The following UNC79 variants were observed in gnomAD, a reference collection of about 807,000 sequenced individuals.
The protein encoded by UNC79 is unc-79 subunit of NALCN channel complex, also known as protein unc-79 homolog.
UNC79 carries 37 observed loss-of-function variants against 283.1 expected under a neutral mutation model. The ratio of observed to expected loss-of-function variants is 0.13; its 90% CI spans 0.10 to 0.17. The LOEUF (loss-of-function observed/expected upper bound fraction) is 0.17, where lower values mean the gene tolerates loss of function less well. UNC79 is among the 10% of genes least tolerant of loss of function. The probability of loss-of-function intolerance (pLI) is 1.00; values close to 1 mark genes in which losing one functional copy is unlikely to be tolerated. For synonymous variants in UNC79, 1,107 were observed against 1,200.2 expected (o/e 0.92, Z 1.61); for missense variants, 2,272 against 3,211.1 (o/e 0.71, Z 7.07).
intron 1 of UNC79, among the ~76,000 whole-genome samples, chr14:93,435,330 T>G (rs1566933615): frequency 6.6e-6 from 1 of 152,262 alleles, no homozygotes. Flanking sequence ...GCTGCATTCC[T>G]GATTTAAACT....
chr14:93,611,729 G>T (rs150204050), intron 26 of UNC79, among the ~76,000 whole-genome samples: 12 of 152,244 alleles, frequency 7.9e-5, no homozygotes, highest in African/African-American at 2.9e-4. Context: ...ACCAAAGCTT[G>T]TCATCATTTA....
At chr14:93,381,721 T>G (rs371679887) in intron 1 of UNC79, among the ~76,000 whole-genome samples, 2 of 152,250 alleles carry the variant, frequency 1.3e-5, no homozygotes, top group East Asian at 1.9e-4. Flanking sequence ...CCAGAAGAGA[T>G]ATATTTGCAT....
intron 1 of UNC79, among the ~76,000 whole-genome samples, chr14:93,354,787 A>T (rs570762608): frequency 1.2e-4 from 18 of 152,116 alleles, no homozygotes; most frequent in African/African-American, 4.1e-4. Context: ...CAGGCATGAG[A>T]TACTGCACCC....
In UNC79 at chr14:93,508,080, A is replaced by G. The variant is rs139740617; in HGVS notation, c.898+10794A>G. Among the ~76,000 whole-genome samples the G allele has an allele frequency of 2.7e-3, 413 of 152,188 alleles. 1 individual carries two copies. The highest frequency in any genetic ancestry group is 9.4e-3 in the African/African-American group (391 of 41,514). Reference sequence around the variant, plus strand: ...ATTGTCTTAAATACTTTTATGTTATAGCCTTGAAATCAGATAGTTCAAATC... The same window carrying G: ...ATTGTCTTAAATACTTTTATGTTATGGCCTTGAAATCAGATAGTTCAAATC... On this transcript the variant is annotated intron_variant, in intron 7 of 48. Transcript: ENST00000555664.
chr14:93,347,062 G>A (rs1693868004), intron 1 of UNC79: 2 of 539,542 alleles, frequency 3.7e-6, no homozygotes, highest in Non-Finnish European at 6.5e-6. Context: ...GGAAAGGGCA[G>A]TACAGAGAAA....
chr14:93,664,353 T>C (rs567440989), intron 40 of UNC79, among the ~76,000 whole-genome samples: 8 of 152,308 alleles, frequency 5.3e-5, no homozygotes, highest in Non-Finnish European at 8.8e-5. Context: ...AATGTAGAGC[T>C]AATTTTATAG....
intron 11 of UNC79, among the ~76,000 whole-genome samples, chr14:93,536,711 T>G (rs2061093357): frequency 6.6e-6 from 1 of 151,898 alleles, no homozygotes; most frequent in Non-Finnish European, 1.5e-5. Context: ...TTAGAACCCT[T>G]ATTGTTGAAT....
intron 1 of UNC79, among the ~76,000 whole-genome samples, chr14:93,389,880 T>G (rs1164014981): frequency 1.3e-5 from 2 of 152,246 alleles, no homozygotes; most frequent in African/African-American, 4.8e-5. Context: ...CTTGAATTCC[T>G]GACCTCAGGT....
chr14:93,688,042 A>G lies in UNC79; in HGVS notation c.6910-623A>G, dbSNP rs1488282990. ...GCCTAGTTCAGTGCCCTTCCCACTG[A>G]GCTCACACTGAGCAAAGAAATCTTT... On this transcript the variant is annotated intron_variant, in intron 43 of 48. Coordinates refer to ENST00000555664, the Ensembl canonical transcript of UNC79. The surrounding 1 kb of genome is among the most constrained non-coding windows in gnomAD (Gnocchi z 4.0). 2.7e-4 allele frequency among the ~76,000 whole-genome samples: 41 copies of G among 152,166 alleles called. No individual in the cohort carries two copies. The highest frequency in any genetic ancestry group is 2.7e-3 in the Admixed American group (41 of 15,286).
At chr14:93,364,038 G>A (rs1469382232) in intron 1 of UNC79, among the ~76,000 whole-genome samples, 2 of 151,998 alleles carry the variant, frequency 1.3e-5, no homozygotes, top group African/African-American at 2.4e-5. Context: ...GCCTTTCTTT[G>A]TCCTTTTTGA....
At chr14:93,510,984 G>A (rs544311289) in intron 7 of UNC79, among the ~76,000 whole-genome samples, 1 of 152,238 alleles carries the variant, frequency 6.6e-6, no homozygotes, top group Non-Finnish European at 1.5e-5. Flanking sequence ...GGTTTAATTG[G>A]CTCATGGTTC....
At chr14:93,357,858 TATATATGG>T (rs1555398886) in intron 1 of UNC79, among the ~76,000 whole-genome samples, 2 of 46,986 alleles carry the variant, frequency 4.3e-5, no homozygotes, top group South Asian at 5.6e-4. Context: ...TATATGGATA[TATATATGG>T]ATATATGGAT....
At chr14:93,501,342 T>TA (rs540076096) in intron 7 of UNC79, among the ~76,000 whole-genome samples, 3,545 of 150,272 alleles carry the variant, frequency 0.024, 132 homozygotes, top group African/African-American at 0.082. Context: ...AAAAATAAAT[T>TA]AAAAAAAAAA....
intron 1 of UNC79, among the ~76,000 whole-genome samples, chr14:93,385,109 T>C (rs193023326): frequency 1.3e-5 from 2 of 152,306 alleles, no homozygotes; most frequent in East Asian, 3.9e-4. Context: ...AGTCAGGTAA[T>C]GTGATTCCTT....
chr14:93,493,901 A>T (rs796731204), intron 5 of UNC79, among the ~76,000 whole-genome samples: 28,290 of 49,524 alleles, frequency 0.57, 9,438 homozygotes, highest in Admixed American at 0.63. Context: ...ATATATATAT[A>T]TTTTTTTTTT....
intron 41 of UNC79, among the ~76,000 whole-genome samples, chr14:93,676,473 G>A (rs554219180): frequency 1.3e-5 from 2 of 152,212 alleles, no homozygotes; most frequent in African/African-American, 2.4e-5. Context: ...GCCTGACTGT[G>A]TCTGGAGGTC....
At chr14:93,566,973 G>A (rs1390841098) in intron 14 of UNC79, among the ~76,000 whole-genome samples, 1 of 152,106 alleles carries the variant, frequency 6.6e-6, no homozygotes, top group Non-Finnish European at 1.5e-5. Context: ...GAATAATATA[G>A]TGTTAAATCA....
intron 1 of UNC79, among the ~76,000 whole-genome samples, chr14:93,454,198 C>T (rs1360735770): frequency 6.6e-6 from 1 of 152,056 alleles, no homozygotes; most frequent in East Asian, 1.9e-4. Context: ...ATCACCATGA[C>T]ACTTGGTTAT....
At chr14:93,385,312 CTTTCTATT>C (rs2054747785) in intron 1 of UNC79, among the ~76,000 whole-genome samples, 1 of 152,170 alleles carries the variant, frequency 6.6e-6, no homozygotes, top group Admixed American at 6.5e-5. Context: ...CATGAAATCT[CTTTCTATT>C]TTTTGGTGTC....
Sources: allele counts gnomAD v4.1 joint callset (sites outside exome capture counted in the v4.1 genomes callset), GRCh38; gene constraint gnomAD v4.1.1; non-coding constraint Gnocchi (gnomAD v3.1); transcripts MANE v1.5; gene names NCBI Gene and HGNC (gene_info 2026-07-23, HGNC 2026-07-21).